Variants in BRK1 observed in about 807,000 individuals in gnomAD.
BRK1 encodes the protein BRICK1 subunit of SCAR/WAVE actin nucleating complex.
Under a neutral mutation model 9.9 loss-of-function variants are expected in BRK1, and 6 were observed. The observed-to-expected ratio is 0.60, with a 90% CI of 0.33 to 1.19. BRK1 has a LOEUF of 1.19. BRK1 is among the 50% of genes most tolerant of loss of function. The pLI is 0.04. For synonymous variants in BRK1, 44 were observed against 31.9 expected, an observed-to-expected ratio of 1.38 and a Z score of -1.28; for missense variants, 62 against 97.5, an observed-to-expected ratio of 0.64 and a Z score of 1.53.
At chr3:10,125,083 T>G (rs1695818531) in intron 1 of BRK1, among the ~76,000 whole-genome samples, 1 of 152,148 alleles carries the variant, frequency 6.6e-6, no homozygotes, top group South Asian at 2.1e-4. Context: ...ATAATCCATA[T>G]TCACAGGATC....
In BRK1 at chr3:10,116,418, GTA is replaced by G. The variant is rs59487785; in HGVS notation, c.118+606_118+607del. Among the ~76,000 whole-genome samples the G allele has an allele frequency of 0.23, 35,326 of 151,878 alleles. 5,264 individuals carry two copies. Among genetic ancestry groups the G allele is most frequent in the African/African-American group, 0.43 (17,739 of 41,320 alleles). ...CTTGGAAGTCCTCTCTGTATTGCTA[GTA>G]TATATAGCTTATGGTAGGTGTTCTG... On this transcript the variant is annotated intron_variant, in intron 1 of 2. Coordinates refer to ENST00000530758, the MANE Select transcript of BRK1 (RefSeq NM_018462.5).
At chr3:10,125,532 G>T in intron 1 of BRK1, 94 bp from the exon 2 acceptor site, 1 of 740,558 alleles carries the variant, frequency 1.4e-6, no homozygotes, top group South Asian at 1.7e-5. Flanking sequence ...TTTGTATTCT[G>T]TGTATTATTC....
intron 1 of BRK1, among the ~76,000 whole-genome samples, chr3:10,125,088 A>G (rs1695818633): frequency 6.6e-6 from 1 of 152,156 alleles, no homozygotes; most frequent in Non-Finnish European, 1.5e-5. Flanking sequence ...CCATATTCAC[A>G]GGATCCAGGG....
chr3:10,123,559 C>T (rs1402720626), intron 1 of BRK1, among the ~76,000 whole-genome samples: 19 of 149,908 alleles, frequency 1.3e-4, no homozygotes, highest in South Asian at 2.1e-4. Context: ...CTCAGCCTCC[C>T]GAATAGCTGG....
chr3:10,121,704 A>G (rs1450142543), intron 1 of BRK1, among the ~76,000 whole-genome samples: 2 of 151,852 alleles, frequency 1.3e-5, no homozygotes, highest in Admixed American at 1.3e-4. Context: ...CGTAACATGA[A>G]TATTTTCCTA....
chr3:10,118,252 CAAAAAAAA>C (rs59622736), intron 1 of BRK1, among the ~76,000 whole-genome samples: 17 of 67,474 alleles, frequency 2.5e-4, no homozygotes, highest in African/African-American at 8.9e-4. Flanking sequence ...ACTCTGTCTC[CAAAAAAAA>C]AAAAAAAAAA....
intron 2 of BRK1, among the ~76,000 whole-genome samples, 179 bp from the exon 3 acceptor site, chr3:10,126,090 C>G (rs1267624581): frequency 6.6e-6 from 1 of 152,020 alleles, no homozygotes; most frequent in Non-Finnish European, 1.5e-5. Flanking sequence ...GACTCCATCT[C>G]AAAAAAACAA....
At chr3:10,119,943 T>C (rs1695734685) in intron 1 of BRK1, among the ~76,000 whole-genome samples, 1 of 152,100 alleles carries the variant, frequency 6.6e-6, no homozygotes. Context: ...TAAATATGAA[T>C]AAATGGGTAT....
At chr3:10,116,814 C>T (rs1695692499) in intron 1 of BRK1, among the ~76,000 whole-genome samples, 1 of 152,176 alleles carries the variant, frequency 6.6e-6, no homozygotes, top group Non-Finnish European at 1.5e-5. Context: ...TCTCTTAAGG[C>T]ATAGTGGGAG....
At chr3:10,126,227 T>C (rs1285031977) in intron 2 of BRK1, 42 bp from the exon 3 acceptor site, 2 of 1,456,752 alleles carry the variant, frequency 1.4e-6, no homozygotes, top group Non-Finnish European at 9.1e-7. Flanking sequence ...CCTCTAATCT[T>C]TTTTAATTTA....
chr3:10,120,048 G>GAGAC lies in BRK1; in HGVS notation c.118+4233_118+4236dup, dbSNP rs1303651731. ...GAAAGACAGTTTTTGTTTTTTTTTT[G>GAGAC]AGACAGAGTCTCATTCTGTCGCCCA... On this transcript the variant is annotated intron_variant, in intron 1 of 2. Transcript: ENST00000530758. Among the ~76,000 whole-genome samples the GAGAC allele has an allele frequency of 7.0e-5, 10 of 143,454 alleles. No individual in the cohort carries two copies. The East Asian group carries it at 2.0e-3, about 28-fold the overall frequency. 94.1% of individuals were successfully genotyped at this position (143,454 alleles called of 152,430 possible).
chr3:10,123,954 C>G (rs567591346), intron 1 of BRK1, among the ~76,000 whole-genome samples: 28 of 151,146 alleles, frequency 1.9e-4, no homozygotes, highest in African/African-American at 6.8e-4. Context: ...AGGCTGGTCT[C>G]AAACTTCTGA....
chr3:10,124,558 A>G (rs1409949471), intron 1 of BRK1, among the ~76,000 whole-genome samples: 1 of 151,990 alleles, frequency 6.6e-6, no homozygotes, highest in African/African-American at 2.4e-5. Flanking sequence ...AACACTGGTC[A>G]CTGGGCTAGC....
Position 10,127,058 on chromosome 3 carries a change from A to G in BRK1, c.*763A>G, listed in dbSNP as rs1250846886. On this transcript the variant is annotated 3_prime_UTR_variant, in exon 3 of 3. Coordinates refer to ENST00000530758, the MANE Select transcript of BRK1 (RefSeq NM_018462.5). Reference sequence around the variant, plus strand: ...TGATTCAAAGCCTAGGTGGCTTACCAGCCCAAGTCCCCATGTTTGGACTTT... The same window carrying G: ...TGATTCAAAGCCTAGGTGGCTTACCGGCCCAAGTCCCCATGTTTGGACTTT... The G allele has an allele frequency of 6.6e-6, 1 of 152,560 alleles. No individual in the cohort carries two copies. The highest frequency in any genetic ancestry group is 2.4e-5 in the African/African-American group (1 of 41,478). The allele number at this position is 152,560 out of a possible 1,614,324, so 9.5% of individuals were successfully genotyped here. A position where few individuals can be genotyped will look rare whatever the true frequency, so the allele number is the denominator to read the frequency against.
chr3:10,125,812 C>T (rs1005758749), intron 2 of BRK1, 104 bp downstream of exon 2: 11 of 813,030 alleles, frequency 1.4e-5, no homozygotes, highest in East Asian at 5.6e-5. Flanking sequence ...AAGCACTGGC[C>T]GGACATGGTG....
At chr3:10,123,156 A>T (rs1246441840) in intron 1 of BRK1, among the ~76,000 whole-genome samples, 1 of 152,230 alleles carries the variant, frequency 6.6e-6, no homozygotes, top group Non-Finnish European at 1.5e-5. Flanking sequence ...TTCCTGTTAC[A>T]GAAGTTTGCA....
chr3:10,117,781 A>G (rs1695706930), intron 1 of BRK1, among the ~76,000 whole-genome samples: 1 of 152,190 alleles, frequency 6.6e-6, no homozygotes, highest in Non-Finnish European at 1.5e-5. Context: ...AGCTTAGATC[A>G]TTATCCTCCC....
At chr3:10,125,752 C>T (rs770366283) in intron 2 of BRK1, 44 bp downstream of exon 2, 3 of 1,375,666 alleles carry the variant, frequency 2.2e-6, no homozygotes, top group Non-Finnish European at 3.1e-6. Context: ...ATGCACATTT[C>T]CACTTATTGC....
intron 1 of BRK1, among the ~76,000 whole-genome samples, chr3:10,120,919 G>C (rs547225551): frequency 7.2e-5 from 11 of 152,192 alleles, no homozygotes; most frequent in Non-Finnish European, 1.6e-4. Context: ...CAGGTTGTCA[G>C]AGATAATATT....
Sources: gnomAD v4.1 joint callset for allele counts (sites outside exome capture counted in the v4.1 genomes callset) on GRCh38, gnomAD v4.1.1 for gene constraint, MANE v1.5 for transcripts, NCBI Gene and HGNC (gene_info 2026-07-23, HGNC 2026-07-21) for gene names.